PRDM5: variants seen among roughly 807,000 people sequenced by gnomAD.
PRDM5 encodes PR domain zinc finger protein 5.
PRDM5 carries 56 observed loss-of-function variants against 81.2 expected under a neutral mutation model. The observed-to-expected ratio is 0.69, with a 90% CI of 0.56 to 0.86. PRDM5 has a LOEUF of 0.86. Ranked by LOEUF, PRDM5 falls within the 40% of genes least tolerant of loss-of-function variation. The pLI, the probability that PRDM5 is intolerant of heterozygous loss-of-function variation, is 0.00. For missense variants in PRDM5, 697 were observed against 770.1 expected (o/e 0.91, Z 1.12); for synonymous variants, 267 against 256.4 (o/e 1.04, Z -0.39).
At chr4:120,869,055 AT>A (rs1761510418) in intron 2 of PRDM5, among the ~76,000 whole-genome samples, 1 of 152,204 alleles carries the variant, frequency 6.6e-6, no homozygotes, top group African/African-American at 2.4e-5. Flanking sequence ...AAGAATATAC[AT>A]ATATATGTTT....
chr4:120,786,901 A>C (rs1024999847), intron 10 of PRDM5, among the ~76,000 whole-genome samples: 2 of 152,188 alleles, frequency 1.3e-5, no homozygotes, highest in Admixed American at 6.5e-5. Flanking sequence ...TCATCGTTTT[A>C]TTTTATGCCA....
In PRDM5 at chr4:120,922,605, G is replaced by A; in HGVS notation, c.4C>T (p.Leu2=). The A allele has an allele frequency of 6.2e-7, 1 of 1,602,570 alleles. No individual in the cohort carries two copies. Among genetic ancestry groups the A allele is most frequent in the Non-Finnish European group, 8.5e-7 (1 of 1,175,686 alleles). The change falls in exon 1 of 16, where the codon CTG becomes TTG. Residue 2 remains leucine, a synonymous_variant. Transcript: ENST00000264808. ...AACCTGTCCGGCACGTACATGCCCA[G>A]CATTTTCCCGGGCGCGGCGGCCGCC... M[L]GMYVPDRFSL... is the part of the protein sequence containing the mutation.
intron 14 of PRDM5, among the ~76,000 whole-genome samples, chr4:120,744,689 G>T (rs931670958): frequency 4.6e-5 from 7 of 151,410 alleles, no homozygotes; most frequent in African/African-American, 1.5e-4. Context: ...AGAAGAAATG[G>T]ATAAATTCCT....
chr4:120,902,029 TAGGAC>T (rs1361238310), intron 2 of PRDM5, among the ~76,000 whole-genome samples: 7 of 152,230 alleles, frequency 4.6e-5, no homozygotes. Flanking sequence ...ACTGGAAATA[TAGGAC>T]AACACCAAGT....
At chr4:120,725,237 A>G (rs2149069437) in intron 14 of PRDM5, among the ~76,000 whole-genome samples, 1 of 151,310 alleles carries the variant, frequency 6.6e-6, no homozygotes, top group East Asian at 1.9e-4. Flanking sequence ...GAAAATTAGC[A>G]TCTTTACTAT....
At chr4:120,758,163 C>T (rs1404421827) in intron 13 of PRDM5, among the ~76,000 whole-genome samples, 1 of 152,162 alleles carries the variant, frequency 6.6e-6, no homozygotes, top group Non-Finnish European at 1.5e-5. Flanking sequence ...TATCATGGAA[C>T]TTCTTGGCCT....
chr4:120,777,338 A>C, intron 12 of PRDM5, 57 bp from the exon 13 acceptor site: 1 of 1,610,686 alleles, frequency 6.2e-7, no homozygotes, highest in Non-Finnish European at 8.5e-7. Flanking sequence ...GGTAAAGATG[A>C]TTAAATGCCT....
rs115131516 is a variant in PRDM5, at chr4:120,748,895, T to A, written c.1623+5658A>T. Among the ~76,000 whole-genome samples, 806 of 152,140 alleles carry A rather than the reference T, an allele frequency of 5.3e-3. 3 individuals carry two copies. Among genetic ancestry groups the A allele is most frequent in the Non-Finnish European group, 8.7e-3 (589 of 67,996 alleles). ...CATAGCAAAACGGCCTAAGTTCACA[T>A]AGGGCCTCTAAATAGGGGTGCTTCC... On this transcript the variant is annotated intron_variant, in intron 14 of 15. Coordinates refer to ENST00000264808, the MANE Select transcript of PRDM5 (RefSeq NM_018699.4).
At chr4:120,697,963 T>TTA (rs1553942033) in intron 15 of PRDM5, among the ~76,000 whole-genome samples, 3 of 117,660 alleles carry the variant, frequency 2.5e-5, no homozygotes, top group African/African-American at 5.6e-5. Flanking sequence ...TAAAATAAAA[T>TTA]AAAAAAAAAG....
intron 12 of PRDM5, among the ~76,000 whole-genome samples, chr4:120,777,521 C>T (rs1260911244): frequency 6.6e-6 from 1 of 151,994 alleles, no homozygotes; most frequent in East Asian, 1.9e-4. Context: ...CTTTTTTAAG[C>T]CCTCATGGAG....
chr4:120,809,133 T>C (rs1753460316), intron 8 of PRDM5, among the ~76,000 whole-genome samples: 1 of 152,074 alleles, frequency 6.6e-6, no homozygotes, highest in Admixed American at 6.5e-5. Context: ...CACCTCTCAT[T>C]ATCGCAAGGA....
chr4:120,740,147 A>G (rs184948822), intron 14 of PRDM5, among the ~76,000 whole-genome samples: 21 of 152,328 alleles, frequency 1.4e-4, no homozygotes, highest in Non-Finnish European at 4.4e-5. Flanking sequence ...CAAGGCATAT[A>G]AAATTCCCCA....
At chr4:120,835,482 G>T (rs1757240851) in intron 3 of PRDM5, among the ~76,000 whole-genome samples, 1 of 152,194 alleles carries the variant, frequency 6.6e-6, no homozygotes, top group Admixed American at 6.5e-5. Flanking sequence ...ATTCCCACAT[G>T]TTGTGGGAGG....
chr4:120,742,022 G>GT (rs1297376053), intron 14 of PRDM5, among the ~76,000 whole-genome samples: 1 of 152,218 alleles, frequency 6.6e-6, no homozygotes, highest in African/African-American at 2.4e-5. Flanking sequence ...AGACTTAAAT[G>GT]TCCCTGTCTG....
At position 120,922,567 on chromosome 4, in the gene PRDM5, G is replaced by T; in HGVS notation, c.42C>A (p.Ser14=). 6.2e-7 allele frequency: 1 copy of T among 1,611,094 alleles called. No individual in the cohort carries two copies. The change falls in exon 1 of 16, where the codon TCC becomes TCA. Residue 14 remains serine (S), a synonymous_variant. Coordinates refer to ENST00000264808, the MANE Select transcript of PRDM5 (RefSeq NM_018699.4). ...GCCCCATGCCGTCCTGAACCCGGGA[G>T]GACTTCAGGGAGAACCTGTCCGGCA... ...MYVPDRFSLK[S]SRVQDGMGLY...
At chr4:120,746,964 G>T (rs1436254067) in intron 14 of PRDM5, among the ~76,000 whole-genome samples, 2 of 150,990 alleles carry the variant, frequency 1.3e-5, no homozygotes, top group East Asian at 1.9e-4. Flanking sequence ...AAATCATGCT[G>T]CTATAAAGAC....
rs1470436588 is a variant in PRDM5 at position 120,821,171 on chromosome 4, C to T, written c.475G>A (p.Asp159Asn). Residue 159 changes from aspartate (D) to asparagine (N), a missense_variant and splice_region_variant, in exon 4 of 16, where the codon GAT (aspartate) becomes AAT (asparagine). Asp to Asn is a conservative substitution (Grantham distance 23, BLOSUM62 1). This residue lies in a region of PRDM5 where 577 missense variants were observed against 606.7 expected (regional missense o/e 0.95). Coordinates refer to ENST00000264808, the MANE Select transcript of PRDM5 (RefSeq NM_018699.4). ...SRRQSTAGRK[D>N]RLGCKEDYAC... ...AGATCACCAATTAAAGATGCAATAC[C>T]TTTTCTGCCCGCTGTTGATTGTCTT... The T allele has an allele frequency of 6.2e-7, 1 of 1,613,832 alleles. No homozygotes were observed. The highest frequency in any genetic ancestry group is 8.5e-7 in the Non-Finnish European group (1 of 1,179,776).
At chr4:120,807,330 C>A (rs1034104098) in intron 8 of PRDM5, among the ~76,000 whole-genome samples, 3 of 152,186 alleles carry the variant, frequency 2.0e-5, no homozygotes, top group South Asian at 2.1e-4. Flanking sequence ...TACCATTTGA[C>A]CCAGCCATAT....
At chr4:120,755,664 C>G (rs1744628259) in intron 13 of PRDM5, among the ~76,000 whole-genome samples, 1 of 152,156 alleles carries the variant, frequency 6.6e-6, no homozygotes. Context: ...TTGCTTGATC[C>G]AGTGACTACT....
Sources: allele counts gnomAD v4.1 joint callset (sites outside exome capture counted in the v4.1 genomes callset), GRCh38; gene constraint gnomAD v4.1.1; regional missense constraint gnomAD v4.1.1; transcripts MANE v1.5; gene names NCBI Gene and HGNC (gene_info 2026-07-23, HGNC 2026-07-21).